Variants in MCMBP observed in about 807,000 individuals in gnomAD.
The protein encoded by MCMBP is mini-chromosome maintenance complex-binding protein.
In MCMBP, 31 loss-of-function variants were observed where a neutral mutation model predicts 81.3. That is an observed-to-expected ratio of 0.38 (90% confidence interval 0.29 to 0.51). MCMBP has a LOEUF of 0.51. MCMBP is among the 20% of genes least tolerant of loss of function. MCMBP has a pLI of 0.87. For synonymous variants in MCMBP, 267 were observed against 275.9 expected, an observed-to-expected ratio of 0.97 and a Z score of 0.32; for missense variants, 645 against 772.1, an observed-to-expected ratio of 0.84 and a Z score of 1.95.
chr10:119,835,448 C>T, intron 14 of MCMBP, 92 bp downstream of exon 14: 1 of 1,165,392 alleles, frequency 8.6e-7, no homozygotes, highest in Non-Finnish European at 1.2e-6. Context: ...AAACAAATAA[C>T]AAAATTACCT....
chr10:119,830,030 T>C lies in MCMBP; in HGVS notation c.*1444A>G, dbSNP rs1305516923. The C allele has an allele frequency of 6.5e-6, 1 of 152,674 alleles. No homozygotes were observed. 9.5% of individuals were successfully genotyped at this position (152,674 alleles called of 1,614,324 possible). ...TAAGGAAGGTCTAGTCTACCAGTTA[T>C]AAAAATGAAAACCAGTTCAACTCTA... On this transcript the variant is annotated 3_prime_UTR_variant, in exon 16 of 16. Transcript: ENST00000369077.
intron 1 of MCMBP, 118 bp from the exon 2 acceptor site, chr10:119,860,002 T>C (rs1853195800): frequency 2.9e-6 from 2 of 687,310 alleles, no homozygotes; most frequent in Middle Eastern, 4.0e-4. Flanking sequence ...TTAGCTACTA[T>C]GATAGAATGA....
At chr10:119,872,348 G>A (rs930814372) in intron 1 of MCMBP, among the ~76,000 whole-genome samples, 179 bp downstream of exon 1, 6 of 151,992 alleles carry the variant, frequency 3.9e-5, no homozygotes, top group Non-Finnish European at 2.9e-5. Context: ...TCCTGCCCCT[G>A]CCTGCTGCGA....
At position 119,843,226 on chromosome 10, in the gene MCMBP, T is replaced by C. The variant is rs77202095; in HGVS notation, c.1000+28A>G. The C allele has an allele frequency of 6.8e-5, 109 of 1,611,826 alleles. 1 individual carries two copies. The East Asian group carries it at 1.1e-3, about 16-fold the overall frequency. On this transcript the variant is annotated intron_variant, in intron 9 of 15. Coordinates refer to ENST00000369077, the MANE Select transcript of MCMBP (RefSeq NM_001256378.2). ...ACACACTGAGGCTAACAGTCGATAG[T>C]TGACTAGGCTGTAACACTTACACTT...
intron 1 of MCMBP, among the ~76,000 whole-genome samples, chr10:119,865,047 T>G (rs1280352880): frequency 2.0e-5 from 3 of 152,250 alleles, no homozygotes; most frequent in Admixed American, 6.5e-5. Flanking sequence ...GACAGTGTTG[T>G]GTAGTTTTGT....
chr10:119,857,713 T>C, intron 4 of MCMBP: 1 of 234,208 alleles, frequency 4.3e-6, no homozygotes, highest in African/African-American at 2.3e-5. Context: ...TTTGTGGATC[T>C]AGAACCTTAC....
chr10:119,870,244 C>T (rs927308965), intron 1 of MCMBP, among the ~76,000 whole-genome samples: 2 of 152,162 alleles, frequency 1.3e-5, no homozygotes, highest in African/African-American at 4.8e-5. Flanking sequence ...GTCAAGAGAT[C>T]TAGACCATCC....
chr10:119,832,512 T>C (rs1190151239), intron 14 of MCMBP, among the ~76,000 whole-genome samples: 3 of 152,176 alleles, frequency 2.0e-5, no homozygotes, highest in Non-Finnish European at 2.9e-5. Context: ...TTGGTAAGAA[T>C]GTTGAGCCTG....
At position 119,843,366 on chromosome 10, in the gene MCMBP, T is replaced by C. The variant is rs1852505676; in HGVS notation, c.888A>G (p.Val296=). 1 of 1,613,968 alleles carries C rather than the reference T, an allele frequency of 6.2e-7. No individual in the cohort carries two copies. Among genetic ancestry groups the C allele is most frequent in the African/African-American group, 1.3e-5 (1 of 74,920 alleles). The change falls in exon 9 of 16, where the codon GTA becomes GTG. Residue 296 remains valine (V), a synonymous_variant. Coordinates refer to ENST00000369077, the MANE Select transcript of MCMBP (RefSeq NM_001256378.2). ...ECTDTAEEQR[V]HSPPASLVPR... is the part of the protein sequence containing the mutation. ...GCACTAATGAAGCAGGAGGACTGTG[T>C]ACTCTCTGCTCCTCTGCTGTGTCTG...
chr10:119,861,783 C>G (rs1853262739), intron 1 of MCMBP, among the ~76,000 whole-genome samples: 1 of 152,130 alleles, frequency 6.6e-6, no homozygotes, highest in Non-Finnish European at 1.5e-5. Flanking sequence ...CTTTGTCACC[C>G]AGGATGGAGT....
At chr10:119,868,195 G>C (rs1564889308) in intron 1 of MCMBP, among the ~76,000 whole-genome samples, 1 of 152,174 alleles carries the variant, frequency 6.6e-6, no homozygotes, top group Non-Finnish European at 1.5e-5. Context: ...GAGGCCAAGT[G>C]GGGGCAGATC....
At position 119,830,938 on chromosome 10, in the gene MCMBP, C is replaced by CCAAA. The variant is rs1366160047; in HGVS notation, c.*532_*535dup. ...GTTAAGTGGGAAAAAGTTTCTGTGG[C>CCAAA]CAAACATCTGGGAAATGACAGTACA... On this transcript the variant is annotated 3_prime_UTR_variant, in exon 16 of 16. Coordinates refer to ENST00000369077, the MANE Select transcript of MCMBP (RefSeq NM_001256378.2). 5.9e-5 allele frequency: 9 copies of CCAAA among 152,312 alleles called. No individual in the cohort carries two copies. The highest frequency in any genetic ancestry group is 3.3e-4 in the Admixed American group (5 of 15,270). 9.4% of individuals were successfully genotyped at this position (152,312 alleles called of 1,614,324 possible).
chr10:119,831,693 A>G, intron 15 of MCMBP, 93 bp from the exon 16 acceptor site: 1 of 1,410,118 alleles, frequency 7.1e-7, no homozygotes, highest in Non-Finnish European at 9.6e-7. Context: ...GTGAAAACAC[A>G]GAGCACGTTA....
intron 6 of MCMBP, 143 bp downstream of exon 6, chr10:119,852,907 T>C: frequency 1.0e-6 from 1 of 956,134 alleles, no homozygotes; most frequent in Non-Finnish European, 1.6e-6. Flanking sequence ...CTCATCAGAG[T>C]ACTGTAAAAA....
intron 6 of MCMBP, among the ~76,000 whole-genome samples, chr10:119,850,057 G>T (rs551372487): frequency 6.6e-6 from 1 of 152,240 alleles, no homozygotes; most frequent in Admixed American, 6.5e-5. Flanking sequence ...GGGATATACA[G>T]GTCATTAAAA....
intron 14 of MCMBP, 104 bp downstream of exon 14, chr10:119,835,426 AGACATGACAG>A: frequency 2.1e-6 from 2 of 960,776 alleles, no homozygotes; most frequent in South Asian, 3.4e-5. Context: ...GAATAAAAAA[AGACATGACAG>A]AAAACAAATA....
At position 119,831,439 on chromosome 10, in the gene MCMBP, C is replaced by T. The variant is rs887989605; in HGVS notation, c.*35G>A. On this transcript the variant is annotated 3_prime_UTR_variant, in exon 16 of 16. Coordinates refer to ENST00000369077, the MANE Select transcript of MCMBP (RefSeq NM_001256378.2). ...TCTGAATTTTACAATTATGTGGCTA[C>T]AGTTTGCCCATTACTCTTCATAGGT... 1 of 1,610,044 alleles carries T rather than the reference C, an allele frequency of 6.2e-7. No individual in the cohort carries two copies. Among genetic ancestry groups the T allele is most frequent in the Non-Finnish European group, 8.5e-7 (1 of 1,177,946 alleles).
At chr10:119,842,360 C>G in intron 10 of MCMBP, 112 bp downstream of exon 10, 1 of 1,220,780 alleles carries the variant, frequency 8.2e-7, no homozygotes, top group Non-Finnish European at 1.1e-6. Context: ...AGATAAAAAC[C>G]ATGTGATGAA....
At chr10:119,856,691 A>T (rs1392253111) in intron 5 of MCMBP, among the ~76,000 whole-genome samples, 1 of 152,244 alleles carries the variant, frequency 6.6e-6, no homozygotes, top group Non-Finnish European at 1.5e-5. Flanking sequence ...TGCCTTAAAA[A>T]ATTACTATCG....
Sources: gnomAD v4.1 joint callset for allele counts (sites outside exome capture counted in the v4.1 genomes callset) on GRCh38, gnomAD v4.1.1 for gene constraint, MANE v1.5 for transcripts, NCBI Gene and HGNC (gene_info 2026-07-23, HGNC 2026-07-21) for gene names.